Variants in NYAP2 observed in about 807,000 individuals in gnomAD.
The protein encoded by NYAP2 is neuronal tyrosine-phosphorylated phosphoinositide-3-kinase adaptor 2, also known as neuronal tyrosine-phosphorylated phosphoinositide-3-kinase adapter 2.
NYAP2 carries 23 observed loss-of-function variants against 50.4 expected under a neutral mutation model. The observed-to-expected ratio is 0.46, with a 90% CI of 0.33 to 0.65. NYAP2 has a LOEUF of 0.65. Ranked by LOEUF, NYAP2 falls within the 30% of genes least tolerant of loss-of-function variation. NYAP2 has a pLI of 0.02. For synonymous variants in NYAP2, 394 were observed against 365.2 expected (o/e 1.08, Z -0.90); for missense variants, 885 against 861.0 (o/e 1.03, Z -0.35).
intron 3 of NYAP2, among the ~76,000 whole-genome samples, chr2:225,437,699 T>C (rs1033076431): frequency 2.0e-5 from 3 of 152,354 alleles, no homozygotes; most frequent in African/African-American, 7.2e-5. Flanking sequence ...GTGGGCTATG[T>C]GCTTCACGTA....
chr2:225,539,580 A>ATT (rs955789169), intron 4 of NYAP2, among the ~76,000 whole-genome samples: 3 of 151,946 alleles, frequency 2.0e-5, no homozygotes, highest in Non-Finnish European at 4.4e-5. Context: ...TTTGATTTGC[A>ATT]TTTTTCTAAT....
chr2:225,536,325 C>T (rs941784375), intron 4 of NYAP2, among the ~76,000 whole-genome samples: 2 of 152,190 alleles, frequency 1.3e-5, no homozygotes, highest in Non-Finnish European at 2.9e-5. Flanking sequence ...GAAAAATTCA[C>T]CTGCTTCCTG....
chr2:225,438,793 C>T (rs943684769), intron 3 of NYAP2, among the ~76,000 whole-genome samples: 3 of 152,172 alleles, frequency 2.0e-5, no homozygotes, highest in African/African-American at 4.8e-5. Flanking sequence ...ACACGTCATA[C>T]ACCTAAACCA....
intron 3 of NYAP2, among the ~76,000 whole-genome samples, chr2:225,475,537 T>C (rs1690088555): frequency 6.6e-6 from 1 of 152,236 alleles, no homozygotes; most frequent in South Asian, 2.1e-4. Flanking sequence ...AAGGCAAGAA[T>C]GGTATTTTGA....
the NYAP2 span, among the ~76,000 whole-genome samples, chr2:225,683,345 G>A: frequency 6.6e-6 from 1 of 152,062 alleles, no homozygotes; most frequent in Non-Finnish European, 1.5e-5. Context: ...TAATAACTTC[G>A]ATCACCTTCA....
chr2:225,496,441 A>C (rs1258128267), intron 3 of NYAP2, among the ~76,000 whole-genome samples: 2 of 152,144 alleles, frequency 1.3e-5, no homozygotes, highest in East Asian at 3.8e-4. Flanking sequence ...CTTTTTTTAA[A>C]CTACATGGGT....
chr2:225,652,614 G>A (rs548271896), exon 7 of NYAP2: 7 of 152,176 alleles, frequency 4.6e-5, no homozygotes, highest in Admixed American at 1.3e-4. Flanking sequence ...TAAGTAGGGT[G>A]GTGTCATTCT....
chr2:225,621,602 TA>T (rs1297651228), intron 5 of NYAP2, among the ~76,000 whole-genome samples: 1 of 152,128 alleles, frequency 6.6e-6, no homozygotes, highest in Admixed American at 6.5e-5. Flanking sequence ...CACTTAAAAA[TA>T]GCTAAGATGG....
intron 3 of NYAP2, among the ~76,000 whole-genome samples, chr2:225,462,044 T>C (rs1421197126): frequency 1.3e-5 from 2 of 152,224 alleles, no homozygotes; most frequent in Non-Finnish European, 2.9e-5. Flanking sequence ...GATTTCCCCC[T>C]GCAGTCTGTC....
chr2:225,517,251 T>A (rs1173605716), intron 4 of NYAP2, among the ~76,000 whole-genome samples: 1 of 152,170 alleles, frequency 6.6e-6, no homozygotes, highest in Non-Finnish European at 1.5e-5. Flanking sequence ...TAATTACCCC[T>A]TTTTATTGCT....
In NYAP2 at chr2:225,542,550, C is replaced by G. The variant is rs541090984; in HGVS notation, c.523+28878C>G. On this transcript the variant is annotated intron_variant, in intron 4 of 6. Coordinates refer to ENST00000636099, the Ensembl canonical transcript of NYAP2. ...GATCATATGATTTTTATCCTCCATT[C>G]TTTTGATATGATATATCACATTAAT... Among the ~76,000 whole-genome samples the G allele has an allele frequency of 1.4e-4, 21 of 152,168 alleles. No individual in the cohort carries two copies. The South Asian group carries it at 4.4e-3, about 32-fold the overall frequency.
chr2:225,633,921 A>C (rs1693365758), intron 6 of NYAP2, among the ~76,000 whole-genome samples: 1 of 152,236 alleles, frequency 6.6e-6, no homozygotes, highest in South Asian at 2.1e-4. Flanking sequence ...AAATCAAGCG[A>C]TGACCATTAG....
At chr2:225,664,749 G>A in the NYAP2 span, among the ~76,000 whole-genome samples, 1 of 151,986 alleles carries the variant, frequency 6.6e-6, no homozygotes, top group Non-Finnish European at 1.5e-5. Context: ...GGTGGCGGGC[G>A]CCTGTAGTTC....
chr2:225,619,308 A>G (rs1693047021), intron 5 of NYAP2, among the ~76,000 whole-genome samples: 1 of 152,238 alleles, frequency 6.6e-6, no homozygotes, highest in South Asian at 2.1e-4. Flanking sequence ...CTTTTTAGCT[A>G]GAAGAAGAGC....
At chr2:225,611,986 G>C (rs1340719312) in intron 5 of NYAP2, among the ~76,000 whole-genome samples, 1 of 150,848 alleles carries the variant, frequency 6.6e-6, no homozygotes, top group African/African-American at 2.4e-5. Flanking sequence ...AAAAATTTCA[G>C]AGTAAACTGC....
intron 4 of NYAP2, among the ~76,000 whole-genome samples, chr2:225,570,614 G>A (rs1692051090): frequency 6.6e-6 from 1 of 152,104 alleles, no homozygotes; most frequent in African/African-American, 2.4e-5. Flanking sequence ...AGAACAGCAT[G>A]GGGGAAACTG....
At chr2:225,690,274 A>AT in the NYAP2 span, among the ~76,000 whole-genome samples, 1 of 151,974 alleles carries the variant, frequency 6.6e-6, no homozygotes, top group Non-Finnish European at 1.5e-5. Context: ...CATTAAAAAT[A>AT]TTTTTTTTCT....
At chr2:225,601,912 G>A (rs1249217680) in intron 5 of NYAP2, among the ~76,000 whole-genome samples, 1 of 152,146 alleles carries the variant, frequency 6.6e-6, no homozygotes, top group African/African-American at 2.4e-5. Context: ...GACTGTTGTT[G>A]CCTGTGCTTG....
At chr2:225,534,608 A>C (rs556014735) in intron 4 of NYAP2, among the ~76,000 whole-genome samples, 1 of 152,346 alleles carries the variant, frequency 6.6e-6, no homozygotes, top group Non-Finnish European at 1.5e-5. Flanking sequence ...TGCAGAAGGA[A>C]ATTTTAAGTA....
Sources: gnomAD v4.1 joint callset for allele counts (sites outside exome capture counted in the v4.1 genomes callset) on GRCh38, gnomAD v4.1.1 for gene constraint, MANE v1.5 for transcripts, NCBI Gene and HGNC (gene_info 2026-07-23, HGNC 2026-07-21) for gene names.